MYLK: variants seen among roughly 807,000 people sequenced by gnomAD.
MYLK encodes myosin light chain kinase, smooth muscle.
Under a neutral mutation model 203.4 loss-of-function variants are expected in MYLK, and 106 were observed. That is an observed-to-expected ratio of 0.52 (90% CI 0.45 to 0.61). The LOEUF (loss-of-function observed/expected upper bound fraction) is 0.61, where lower values mean the gene tolerates loss of function less well. Among genes scored for constraint, MYLK ranks in the 20% least tolerant of loss-of-function variants. The pLI is 0.00. For missense variants in MYLK, 2,072 were observed against 2,442.3 expected (o/e 0.85, Z 3.20); for synonymous variants, 867 against 959.5 (o/e 0.90, Z 1.78).
At chr3:123,735,793 C>T (rs972412681) in intron 8 of MYLK, 2 of 190,258 alleles carry the variant, frequency 1.1e-5, no homozygotes, top group African/African-American at 4.6e-5. Context: ...TCCAGTTCTT[C>T]AAAGAAAAAA....
intron 4 of MYLK, among the ~76,000 whole-genome samples, chr3:123,767,260 A>G (rs1341210471): frequency 6.6e-6 from 1 of 152,122 alleles, no homozygotes; most frequent in African/African-American, 2.4e-5. Flanking sequence ...TGCTCAGACC[A>G]CCCAGCTCAG....
chr3:123,787,308 C>G lies in MYLK; in HGVS notation c.165+6369G>C, dbSNP rs189388233. 3.4e-3 allele frequency among the ~76,000 whole-genome samples: 515 copies of G among 152,242 alleles called. 4 individuals carry two copies. The highest frequency in any genetic ancestry group is 0.012 in the African/African-American group (497 of 41,548). The stretch of plus-strand genomic sequence containing the variant: ...GATATAGGCACAGGCTGTGGAGGAG[C>G]AGGAAGCAGGTGCACAGGGGTGTGG... On this transcript the variant is annotated intron_variant, in intron 4 of 33. Coordinates refer to ENST00000360304, the MANE Select transcript of MYLK (RefSeq NM_053025.4).
chr3:123,762,982 T>C (rs1004461613), intron 4 of MYLK, among the ~76,000 whole-genome samples: 7 of 152,242 alleles, frequency 4.6e-5, no homozygotes, highest in Non-Finnish European at 1.0e-4. Context: ...CTGTATGGAA[T>C]GTAAACTTTA....
chr3:123,615,601 T>G (rs1360882923), intron 33 of MYLK, among the ~76,000 whole-genome samples: 6 of 151,532 alleles, frequency 4.0e-5, no homozygotes. Context: ...CCCAAAGTGC[T>G]GGGATTACAG....
intron 19 of MYLK, chr3:123,692,360 A>C: frequency 8.5e-7 from 1 of 1,174,546 alleles, no homozygotes; most frequent in Non-Finnish European, 1.1e-6. Flanking sequence ...TCGTCCTGCC[A>C]GCTCGGACAC....
At chr3:123,672,399 C>G (rs1177787917) in intron 20 of MYLK, among the ~76,000 whole-genome samples, 3 of 151,994 alleles carry the variant, frequency 2.0e-5, no homozygotes, top group Admixed American at 6.5e-5. Context: ...CTGTGAGAAT[C>G]AATTTCTGTG....
At chr3:123,657,993 T>A (rs1181871786) in intron 23 of MYLK, among the ~76,000 whole-genome samples, 1 of 152,222 alleles carries the variant, frequency 6.6e-6, no homozygotes, top group Non-Finnish European at 1.5e-5. Flanking sequence ...CCCCACACAG[T>A]AGCTGTTAAT....
chr3:123,674,809 C>T (rs2060022122), intron 20 of MYLK, among the ~76,000 whole-genome samples: 1 of 152,258 alleles, frequency 6.6e-6, no homozygotes, highest in Non-Finnish European at 1.5e-5. Flanking sequence ...GGGCAGGTCG[C>T]CCCAGCTCAT....
intron 23 of MYLK, among the ~76,000 whole-genome samples, chr3:123,661,500 C>T (rs762465842): frequency 3.3e-5 from 5 of 152,142 alleles, no homozygotes; most frequent in Non-Finnish European, 5.9e-5. Context: ...CAAAAAGAGA[C>T]AGAGTGAGAA....
intron 4 of MYLK, among the ~76,000 whole-genome samples, chr3:123,787,450 G>A (rs1221481076): frequency 7.2e-5 from 11 of 152,068 alleles, no homozygotes; most frequent in Admixed American, 5.2e-4. Flanking sequence ...GCAAGACACC[G>A]GGAGTCTTAG....
intron 2 of MYLK, among the ~76,000 whole-genome samples, chr3:123,854,864 A>G (rs893029153): frequency 2.6e-5 from 4 of 152,154 alleles, no homozygotes; most frequent in African/African-American, 9.7e-5. Context: ...CTCCTGGGAT[A>G]GTTTATCTAG....
At position 123,629,859 on chromosome 3, in the gene MYLK, G is replaced by A; in HGVS notation, c.4962-233C>T. ...GACACCACCTACCTGTGAGGCTGAG[G>A]TGCAGCAGGTTGGCTTTAGATTACG... On this transcript the variant is annotated intron_variant, in intron 29 of 33. Coordinates refer to ENST00000360304, the MANE Select transcript of MYLK (RefSeq NM_053025.4). The surrounding 1 kb of genome is among the most constrained non-coding windows in gnomAD (Gnocchi z 4.4). 1.8e-6 allele frequency: 1 copy of A among 561,908 alleles called. No individual in the cohort carries two copies. Among genetic ancestry groups the A allele is most frequent in the African/African-American group, 1.9e-5 (1 of 53,166 alleles). 34.8% of individuals were successfully genotyped at this position (561,908 alleles called of 1,614,324 possible). A position where few individuals can be genotyped will look rare whatever the true frequency, so the allele number is the denominator to read the frequency against.
intron 27 of MYLK, among the ~76,000 whole-genome samples, chr3:123,646,088 C>T (rs1489101491): frequency 6.6e-6 from 1 of 152,166 alleles, no homozygotes; most frequent in Non-Finnish European, 1.5e-5. Context: ...GGCACCACTG[C>T]CCTCCAGCCT....
At position 123,656,056 on chromosome 3, in the gene MYLK, G is replaced by A. The variant is rs144121599; in HGVS notation, c.4288+1070C>T. On this transcript the variant is annotated intron_variant, in intron 24 of 33. Transcript: ENST00000360304. ...TTCTACCTCCTGAGGCTTGAAGTTC[G>A]TGCCCTTTCCATCCCTCCCCTGGAC... Among the ~76,000 whole-genome samples the A allele has an allele frequency of 5.9e-5, 9 of 152,174 alleles. No homozygotes were observed. In the East Asian group the frequency reaches 7.7e-4, roughly 13 times the overall value.
intron 18 of MYLK, among the ~76,000 whole-genome samples, chr3:123,694,643 C>T (rs1576591106): frequency 6.6e-6 from 1 of 152,246 alleles, no homozygotes; most frequent in African/African-American, 2.4e-5. Flanking sequence ...AGTCCCTCAG[C>T]TGCCTTGAGT....
chr3:123,647,225 T>C lies in MYLK; in HGVS notation c.4618A>G (p.Ile1540Val). ...CGCTGCTGGCAGTGGGCCACTCACA[T>C]CTCCAGGACCATGACGATGTTGGCC... Reference protein sequence around the residue: ...EKANIVMVLEIVSGGELFERI... With the variant: ...EKANIVMVLEVVSGGELFERI... The change falls in exon 27 of 34, where the codon ATC (isoleucine) becomes GTC (valine). Residue 1540 changes from isoleucine (I) to valine (V), a missense_variant and splice_region_variant. Physicochemically the swap from Ile to Val is conservative, Grantham distance 29. Coordinates refer to ENST00000360304, the MANE Select transcript of MYLK (RefSeq NM_053025.4). 1 of 1,614,066 alleles carries C rather than the reference T, an allele frequency of 6.2e-7. No individual in the cohort carries two copies. The highest frequency in any genetic ancestry group is 1.1e-5 in the South Asian group (1 of 91,068).
chr3:123,707,374 GT>G (rs1448992920), intron 16 of MYLK, among the ~76,000 whole-genome samples: 4 of 152,210 alleles, frequency 2.6e-5, no homozygotes, highest in Non-Finnish European at 4.4e-5. Context: ...GATGATAAAT[GT>G]TTCAAGCTGC....
chr3:123,746,032 G>A (rs1033710945), intron 5 of MYLK, among the ~76,000 whole-genome samples: 3 of 151,806 alleles, frequency 2.0e-5, no homozygotes, highest in Admixed American at 6.6e-5. Context: ...TAATTTTTAT[G>A]TTTTTAGTAG....
At chr3:123,727,911 T>C (rs575693551) in intron 11 of MYLK, among the ~76,000 whole-genome samples, 2 of 152,164 alleles carry the variant, frequency 1.3e-5, no homozygotes, top group South Asian at 4.1e-4. Flanking sequence ...TTCTGTAGTA[T>C]AGGAAAACAG....
Sources: allele counts gnomAD v4.1 joint callset (sites outside exome capture counted in the v4.1 genomes callset), GRCh38; gene constraint gnomAD v4.1.1; non-coding constraint Gnocchi (gnomAD v3.1); transcripts MANE v1.5; gene names NCBI Gene and HGNC (gene_info 2026-07-23, HGNC 2026-07-21).